The following KCNQ3 variants were observed in gnomAD, a reference collection of about 807,000 sequenced individuals.
The protein encoded by KCNQ3 is potassium voltage-gated channel subfamily KQT member 3.
Under a neutral mutation model 92.5 loss-of-function variants are expected in KCNQ3, and 30 were observed. That is an observed-to-expected ratio of 0.32 (90% CI 0.24 to 0.44). KCNQ3 has a LOEUF of 0.44. KCNQ3 is among the 20% of genes least tolerant of loss of function. The pLI, the probability that KCNQ3 is intolerant of heterozygous loss-of-function variation, is 1.00. For synonymous variants in KCNQ3, 450 were observed against 468.8 expected, an observed-to-expected ratio of 0.96 and a Z score of 0.52; for missense variants, 913 against 1,140.3, an observed-to-expected ratio of 0.80 and a Z score of 2.87.
chr8:132,306,112 G>A (rs890604329), intron 1 of KCNQ3, among the ~76,000 whole-genome samples: 1 of 152,118 alleles, frequency 6.6e-6, no homozygotes, highest in Non-Finnish European at 1.5e-5. Context: ...TGTTTAGTGT[G>A]GGAACATAGA....
At chr8:132,130,052 C>T (rs1824822128) in intron 14 of KCNQ3, 56 bp from the exon 15 acceptor site, 2 of 1,521,626 alleles carry the variant, frequency 1.3e-6, no homozygotes, top group Non-Finnish European at 1.8e-6. Context: ...GGGATCGTTG[C>T]TATTGGTTGG....
intron 1 of KCNQ3, among the ~76,000 whole-genome samples, chr8:132,412,456 C>T (rs1020976595): frequency 5.9e-5 from 9 of 152,158 alleles, no homozygotes; most frequent in South Asian, 2.1e-4. Context: ...AGGAATATTG[C>T]GACACCTCCA....
chr8:132,138,132 G>T, intron 11 of KCNQ3, 116 bp from the exon 12 acceptor site: 1 of 1,239,926 alleles, frequency 8.1e-7, no homozygotes, highest in Non-Finnish European at 1.2e-6. Context: ...AAAAGAGCTT[G>T]CTGGAAGAAC....
At chr8:132,381,744 C>G (rs1302713294) in intron 1 of KCNQ3, among the ~76,000 whole-genome samples, 1 of 152,210 alleles carries the variant, frequency 6.6e-6, no homozygotes, top group Admixed American at 6.5e-5. Flanking sequence ...AAAACACCCC[C>G]AAACCCCAGC....
At chr8:132,353,682 C>T (rs1460713626) in intron 1 of KCNQ3, among the ~76,000 whole-genome samples, 4 of 151,760 alleles carry the variant, frequency 2.6e-5, no homozygotes, top group South Asian at 2.1e-4. Flanking sequence ...GGCGTGGTGG[C>T]GCACGGCTGT....
chr8:132,340,870 T>G (rs1818510782), intron 1 of KCNQ3, among the ~76,000 whole-genome samples: 1 of 152,228 alleles, frequency 6.6e-6, no homozygotes, highest in Admixed American at 6.5e-5. Context: ...GCACCTATAT[T>G]GAGCACGTAC....
intron 1 of KCNQ3, among the ~76,000 whole-genome samples, chr8:132,404,389 G>C (rs1820425566): frequency 6.6e-6 from 1 of 152,146 alleles, no homozygotes; most frequent in African/African-American, 2.4e-5. Context: ...TTCCTGTAAG[G>C]CTAATTTATA....
At chr8:132,320,096 T>C (rs193118254) in intron 1 of KCNQ3, among the ~76,000 whole-genome samples, 19 of 152,378 alleles carry the variant, frequency 1.2e-4, no homozygotes, top group African/African-American at 4.6e-4. Context: ...CACACATCTG[T>C]CAATTTGGAA....
chr8:132,300,504 T>C (rs550578192), intron 1 of KCNQ3, among the ~76,000 whole-genome samples: 38 of 152,156 alleles, frequency 2.5e-4, no homozygotes, highest in Non-Finnish European at 5.3e-4. Flanking sequence ...TGCTGAGAGG[T>C]ACCCCAAAAA....
chr8:132,363,003 G>A (rs1320798128), intron 1 of KCNQ3, among the ~76,000 whole-genome samples: 1 of 152,020 alleles, frequency 6.6e-6, no homozygotes, highest in Non-Finnish European at 1.5e-5. Flanking sequence ...AAGTGAAGGG[G>A]GAGTTACCAA....
At chr8:132,365,269 T>A (rs1231120569) in intron 1 of KCNQ3, among the ~76,000 whole-genome samples, 2 of 152,268 alleles carry the variant, frequency 1.3e-5, no homozygotes, top group Admixed American at 1.3e-4. Flanking sequence ...AGCTAACATT[T>A]ATTGGGTGCC....
intron 1 of KCNQ3, among the ~76,000 whole-genome samples, chr8:132,423,882 G>C (rs1587006456): frequency 6.6e-6 from 1 of 152,224 alleles, no homozygotes; most frequent in African/African-American, 2.4e-5. Flanking sequence ...AGGACACTGA[G>C]TAAAGCGTAT....
chr8:132,172,837 GA>G (rs1234610279), intron 6 of KCNQ3, 144 bp from the exon 7 acceptor site: 20 of 694,950 alleles, frequency 2.9e-5, no homozygotes, highest in South Asian at 6.0e-5. Flanking sequence ...AGGGAAGGGG[GA>G]AAGAGCCCTT....
At chr8:132,196,467 A>C (rs1827299542) in intron 1 of KCNQ3, among the ~76,000 whole-genome samples, 1 of 152,218 alleles carries the variant, frequency 6.6e-6, no homozygotes, top group South Asian at 2.1e-4. Flanking sequence ...TGAACAGAGC[A>C]CATCACTTTG....
In KCNQ3 at chr8:132,454,788, C is replaced by T. The variant is rs550181719; in HGVS notation, c.386+25359G>A. 3.1e-4 allele frequency among the ~76,000 whole-genome samples: 47 copies of T among 152,224 alleles called. No homozygotes were observed. The South Asian group carries it at 9.6e-3, about 31-fold the overall frequency. On this transcript the variant is annotated intron_variant, in intron 1 of 14. Transcript: ENST00000388996. ...TAGCCAAAAGGTGGAAATGAAGAAA[C>T]CCAAGTGTCCCTTCATGAACAAATG...
intron 1 of KCNQ3, among the ~76,000 whole-genome samples, chr8:132,247,660 T>C (rs1235163062): frequency 1.3e-5 from 2 of 151,760 alleles, no homozygotes; most frequent in African/African-American, 4.8e-5. Context: ...TAGCCGGGCG[T>C]GGCGGTGGGA....
intron 1 of KCNQ3, among the ~76,000 whole-genome samples, chr8:132,422,297 C>T (rs1384289668): frequency 6.6e-6 from 1 of 152,148 alleles, no homozygotes; most frequent in Admixed American, 6.5e-5. Context: ...TCTGTCTTCC[C>T]TTCACTTCCA....
chr8:132,463,590 C>T (rs1482565770), intron 1 of KCNQ3, among the ~76,000 whole-genome samples: 5 of 152,298 alleles, frequency 3.3e-5, no homozygotes, highest in African/African-American at 4.8e-5. Flanking sequence ...CCCTGGAGGT[C>T]GTGTGGTCTA....
At position 132,343,210 on chromosome 8, in the gene KCNQ3, T is replaced by G. The variant is rs145216977; in HGVS notation, c.386+136937A>C. Among the ~76,000 whole-genome samples, 757 of 152,374 alleles carry G rather than the reference T, an allele frequency of 5.0e-3. 6 individuals are homozygous for G. The highest frequency in any genetic ancestry group is 0.016 in the African/African-American group (673 of 41,592). On this transcript the variant is annotated intron_variant, in intron 1 of 14. Coordinates refer to ENST00000388996, the MANE Select transcript of KCNQ3 (RefSeq NM_004519.4). ...TTGCTTGCTCACTCCATTTCATCCA[T>G]GCACTCACCATGTCACTTATTCATT...
Sources: allele counts gnomAD v4.1 joint callset (sites outside exome capture counted in the v4.1 genomes callset), GRCh38; gene constraint gnomAD v4.1.1; transcripts MANE v1.5; gene names NCBI Gene and HGNC (gene_info 2026-07-23, HGNC 2026-07-21).